The following EXOC2 variants were observed in gnomAD, a reference collection of about 807,000 sequenced individuals.
EXOC2 encodes SEC5-like 1.
EXOC2 carries 70 observed loss-of-function variants against 131.8 expected under a neutral mutation model. The ratio of observed to expected loss-of-function variants is 0.53; its 90% CI spans 0.44 to 0.65. The LOEUF (loss-of-function observed/expected upper bound fraction) is 0.65. Among genes scored for constraint, EXOC2 ranks in the 30% least tolerant of loss-of-function variants. The pLI is 0.00. For missense variants in EXOC2, 923 were observed against 1,108.6 expected (o/e 0.83, Z 2.38); for synonymous variants, 411 against 398.4 (o/e 1.03, Z -0.38).
At chr6:668,090 G>A (rs1388173182) in intron 1 of EXOC2, among the ~76,000 whole-genome samples, 1 of 152,050 alleles carries the variant, frequency 6.6e-6, no homozygotes, top group African/African-American at 2.4e-5. Context: ...AGTTTCTATT[G>A]GTTTTTGATT....
chr6:561,705 C>T (rs1757708257), intron 17 of EXOC2, among the ~76,000 whole-genome samples: 1 of 152,138 alleles, frequency 6.6e-6, no homozygotes, highest in Admixed American at 6.5e-5. Context: ...CCTGCCTCAG[C>T]CTCCTGAGTA....
At chr6:609,737 C>T (rs1050027206) in intron 7 of EXOC2, among the ~76,000 whole-genome samples, 2 of 152,284 alleles carry the variant, frequency 1.3e-5, no homozygotes, top group Middle Eastern at 3.4e-3. Context: ...TGCTGGGAGA[C>T]GCCTGATGAT....
intron 1 of EXOC2, chr6:655,960 T>C (rs748676608): frequency 4.2e-5 from 26 of 614,560 alleles, no homozygotes; most frequent in Non-Finnish European, 6.3e-5. Context: ...TGCTTTAATA[T>C]AAATTTTGCA....
chr6:615,426 T>C (rs565606427), intron 6 of EXOC2, among the ~76,000 whole-genome samples: 65 of 152,224 alleles, frequency 4.3e-4, no homozygotes, highest in African/African-American at 1.5e-3. Context: ...GTCCAAGCAA[T>C]TTAATGGCAA....
intron 16 of EXOC2, among the ~76,000 whole-genome samples, chr6:563,253 C>A (rs1046902893): frequency 6.6e-6 from 1 of 152,166 alleles, no homozygotes; most frequent in African/African-American, 2.4e-5. Flanking sequence ...CTGACAAGGG[C>A]AATATGATTC....
rs750849214 is a variant in EXOC2 at position 610,021 on chromosome 6, G to A, written c.742+77C>T. ...AATGCAACTTACTGCCTTGTCCCGC[G>A]ATATCAGGTCCAAGAACTAATTTTA... is the stretch of plus-strand genomic sequence containing the variant. On this transcript the variant is annotated intron_variant, in intron 7 of 27. Coordinates refer to ENST00000230449, the MANE Select transcript of EXOC2 (RefSeq NM_018303.6). 4.8e-5 allele frequency: 62 copies of A among 1,279,526 alleles called. 1 individual carries two copies. Among genetic ancestry groups the A allele is most frequent in the African/African-American group, 1.8e-4 (12 of 66,930 alleles). 79.3% of individuals were successfully genotyped at this position (1,279,526 alleles called of 1,614,324 possible).
chr6:637,693 G>GCC lies in EXOC2; in HGVS notation c.118+6_118+7dup, dbSNP rs1762166261. 4 of 1,608,746 alleles carry GCC rather than the reference G, an allele frequency of 2.5e-6. No homozygotes were observed. The highest frequency in any genetic ancestry group is 2.7e-5 in the African/African-American group (2 of 74,622). On this transcript the variant is annotated splice_region_variant and intron_variant, in intron 2 of 27. Coordinates refer to ENST00000230449, the MANE Select transcript of EXOC2 (RefSeq NM_018303.6). ...TAGCAGGGTGCGTCGCAGGGCCTCT[G>GCC]CCCTTACCTATGAGGTCGGTGGGGC... is the stretch of plus-strand genomic sequence containing the variant.
chr6:521,229 C>A (rs1366435909), intron 23 of EXOC2, among the ~76,000 whole-genome samples: 1 of 149,910 alleles, frequency 6.7e-6, no homozygotes, highest in Non-Finnish European at 1.5e-5. Context: ...CCACCACCCA[C>A]TGAGCACCGA....
intron 21 of EXOC2, among the ~76,000 whole-genome samples, chr6:550,633 A>G (rs1757095532): frequency 6.6e-6 from 1 of 152,256 alleles, no homozygotes; most frequent in Non-Finnish European, 1.5e-5. Context: ...ATAAACGGCC[A>G]GAAGGAAAAC....
At chr6:502,802 TG>T (rs763589841) in intron 23 of EXOC2, among the ~76,000 whole-genome samples, 5 of 151,762 alleles carry the variant, frequency 3.3e-5, no homozygotes, top group Non-Finnish European at 7.4e-5. Context: ...TCTTTTTGAA[TG>T]AAAAAAAGGA....
In EXOC2 at chr6:522,425, G is replaced by A. The variant is rs1765520034; in HGVS notation, c.2380+10044C>T. On this transcript the variant is annotated intron_variant, in intron 23 of 27. Transcript: ENST00000230449. The stretch of plus-strand genomic sequence containing the variant: ...GAGCTGGGCTGGGCTCAGGTGAAAT[G>A]ATGGGGACAGCAAGGTGTCTCTAGG... Among the ~76,000 whole-genome samples the A allele has an allele frequency of 2.0e-5, 3 of 148,948 alleles. No homozygotes were observed. The Admixed American group carries it at 2.0e-4, about 10-fold the overall frequency.
At chr6:626,710 G>A (rs1411186198) in intron 4 of EXOC2, among the ~76,000 whole-genome samples, 1 of 151,994 alleles carries the variant, frequency 6.6e-6, no homozygotes, top group African/African-American at 2.4e-5. Context: ...TCCTGCCTCA[G>A]CCTCCCAAGT....
chr6:621,514 G>A (rs1375663441), intron 4 of EXOC2, among the ~76,000 whole-genome samples: 1 of 152,118 alleles, frequency 6.6e-6, no homozygotes, highest in East Asian at 1.9e-4. Context: ...GCCAGGACAG[G>A]GCGTCCCATT....
intron 1 of EXOC2, among the ~76,000 whole-genome samples, chr6:650,998 T>C (rs934579329): frequency 6.6e-6 from 1 of 151,814 alleles, no homozygotes; most frequent in African/African-American, 2.4e-5. Flanking sequence ...CTGCAGATCT[T>C]ATAACTTCCT....
At chr6:591,303 T>A (rs755087474) in intron 11 of EXOC2, among the ~76,000 whole-genome samples, 1 of 152,076 alleles carries the variant, frequency 6.6e-6, no homozygotes, top group Non-Finnish European at 1.5e-5. Context: ...CGACTCCCCA[T>A]CGCACTCTGG....
chr6:629,827 G>A lies in EXOC2; in HGVS notation c.422+8C>T. The A allele has an allele frequency of 3.1e-6, 5 of 1,612,818 alleles. No homozygotes were observed. The highest frequency in any genetic ancestry group is 4.2e-6 in the Non-Finnish European group (5 of 1,179,508). ...AATAAAGAAGACTGAAAGCAAGATGGTACTCACTTTTCAATCTCAATGCCA... is the reference window on the plus strand; with the variant it reads ...AATAAAGAAGACTGAAAGCAAGATGATACTCACTTTTCAATCTCAATGCCA... On this transcript the variant is annotated splice_region_variant and intron_variant, in intron 4 of 27. Transcript: ENST00000230449.
chr6:638,967 C>CCT (rs10623287), intron 1 of EXOC2, among the ~76,000 whole-genome samples: 107,188 of 151,472 alleles, frequency 0.71, 38,559 homozygotes, highest in Middle Eastern at 0.88. Flanking sequence ...CTAATAAACC[C>CCT]GAGAACTCAA....
chr6:558,688 C>T (rs1393252838), intron 17 of EXOC2, among the ~76,000 whole-genome samples: 1 of 151,992 alleles, frequency 6.6e-6, no homozygotes, highest in Admixed American at 6.6e-5. Flanking sequence ...TGGTGCGTGC[C>T]TGTAGTCCTA....
chr6:564,256 C>A, intron 15 of EXOC2, 102 bp from the exon 16 acceptor site: 1 of 1,490,362 alleles, frequency 6.7e-7, no homozygotes, highest in Non-Finnish European at 9.0e-7. Flanking sequence ...AGCTTACGAG[C>A]TACAGCATTA....
Sources: allele counts gnomAD v4.1 joint callset (sites outside exome capture counted in the v4.1 genomes callset), GRCh38; gene constraint gnomAD v4.1.1; transcripts MANE v1.5; gene names NCBI Gene and HGNC (gene_info 2026-07-23, HGNC 2026-07-21).